The following LY96 variants were observed in gnomAD, a reference collection of about 807,000 sequenced individuals.
LY96 encodes the protein myeloid differentiation protein-2.
LY96 carries 18 observed loss-of-function variants against 18.9 expected under a neutral mutation model. The observed-to-expected ratio is 0.95, with a 90% confidence interval of 0.66 to 1.41. The LOEUF (loss-of-function observed/expected upper bound fraction) is 1.41, where lower values mean the gene tolerates loss of function less well. Ranked by LOEUF, LY96 falls within the 40% of genes most tolerant of loss-of-function variation. LY96 has a pLI of 0.00. For missense variants in LY96, 175 were observed against 182.4 expected, an observed-to-expected ratio of 0.96 and a Z score of 0.23; for synonymous variants, 66 against 62.6, an observed-to-expected ratio of 1.06 and a Z score of -0.26.
At chr8:74,082,446 A>T in the LY96 span, among the ~76,000 whole-genome samples, 9 of 152,170 alleles carry the variant, frequency 5.9e-5, no homozygotes, top group African/African-American at 2.2e-4. Flanking sequence ...TACCAGTGCA[A>T]TGTGTGCAGG....
intron 3 of LY96, among the ~76,000 whole-genome samples, chr8:74,026,558 TA>T (rs1816875559): frequency 6.6e-6 from 1 of 152,218 alleles, no homozygotes; most frequent in African/African-American, 2.4e-5. Flanking sequence ...CAGGTCTTAA[TA>T]GTTTGTGTCC....
chr8:74,050,618 TTTC>T, the LY96 span, among the ~76,000 whole-genome samples: 1 of 152,210 alleles, frequency 6.6e-6, no homozygotes, highest in Non-Finnish European at 1.5e-5. Flanking sequence ...TATTTTAACA[TTTC>T]TTAACGTTGT....
At chr8:74,091,680 C>G in the LY96 span, among the ~76,000 whole-genome samples, 1 of 152,146 alleles carries the variant, frequency 6.6e-6, no homozygotes, top group African/African-American at 2.4e-5. Flanking sequence ...ATATTTCTGC[C>G]TTTTCTTTTC....
chr8:74,073,388 A>G, the LY96 span, among the ~76,000 whole-genome samples: 6 of 152,218 alleles, frequency 3.9e-5, no homozygotes, highest in African/African-American at 7.2e-5. Flanking sequence ...TTTCTCACAG[A>G]TGATCTCATT....
chr8:74,028,613 G>T (rs146198500), intron 4 of LY96, among the ~76,000 whole-genome samples: 9 of 152,038 alleles, frequency 5.9e-5, no homozygotes, highest in African/African-American at 2.2e-4. Flanking sequence ...AGATATTTGC[G>T]TGACATATCT....
chr8:73,996,375 T>TCC (rs1586645135), intron 1 of LY96, among the ~76,000 whole-genome samples: 549 of 29,050 alleles, frequency 0.019, 1 homozygote, highest in South Asian at 0.038. Context: ...CTTCATTCCT[T>TCC]TCTTTCTTTC....
At chr8:74,091,545 G>A in the LY96 span, among the ~76,000 whole-genome samples, 1 of 152,192 alleles carries the variant, frequency 6.6e-6, no homozygotes, top group Admixed American at 6.5e-5. Context: ...GGATGAAATT[G>A]TATTCTTTCA....
chr8:74,023,146 G>T (rs781287948), intron 3 of LY96, among the ~76,000 whole-genome samples: 1 of 152,134 alleles, frequency 6.6e-6, no homozygotes, highest in Non-Finnish European at 1.5e-5. Context: ...CTTGGTTCCC[G>T]CTGCCCACTT....
chr8:74,064,686 G>A, the LY96 span, among the ~76,000 whole-genome samples: 1 of 152,012 alleles, frequency 6.6e-6, no homozygotes, highest in African/African-American at 2.4e-5. Flanking sequence ...TGCAGAACTG[G>A]GAGCCCAATA....
the LY96 span, among the ~76,000 whole-genome samples, chr8:74,065,308 A>G: frequency 6.6e-6 from 1 of 152,200 alleles, no homozygotes; most frequent in Non-Finnish European, 1.5e-5. Flanking sequence ...ACTGTTTCCC[A>G]GGTTGCGGTC....
chr8:74,002,862 C>T (rs746682682), intron 1 of LY96, among the ~76,000 whole-genome samples: 21 of 152,170 alleles, frequency 1.4e-4, no homozygotes, highest in Admixed American at 5.2e-4. Context: ...GCATGAGTCA[C>T]CGTGCCCAGC....
the LY96 span, among the ~76,000 whole-genome samples, chr8:74,054,671 T>C: frequency 6.9e-6 from 1 of 145,742 alleles, no homozygotes; most frequent in East Asian, 2.0e-4. Flanking sequence ...TTTCTTTCTT[T>C]CTTTTTATTT....
At chr8:74,009,648 CCTTTTCTTTT>C (rs1186345056) in intron 2 of LY96, among the ~76,000 whole-genome samples, 1 of 152,142 alleles carries the variant, frequency 6.6e-6, no homozygotes, top group African/African-American at 2.4e-5. Context: ...TCCTTCCTTT[CCTTTTCTTTT>C]CTTTTGAATT....
the LY96 span, among the ~76,000 whole-genome samples, chr8:74,054,520 T>TTTCCTTCCCTCCTTCC: frequency 2.5e-5 from 3 of 118,308 alleles, no homozygotes; most frequent in African/African-American, 9.7e-5. Flanking sequence ...TTTTCTTTCT[T>TTTCCTTCCCTCCTTCC]TTCCTTCCTT....
the LY96 span, among the ~76,000 whole-genome samples, chr8:74,046,841 T>C: frequency 1.3e-5 from 2 of 152,084 alleles, no homozygotes; most frequent in African/African-American, 2.4e-5. Context: ...TTAGAACTTA[T>C]CTTTTATGGC....
At chr8:74,015,938 C>T (rs574688017) in intron 3 of LY96, among the ~76,000 whole-genome samples, 6 of 152,306 alleles carry the variant, frequency 3.9e-5, no homozygotes, top group African/African-American at 1.2e-4. Context: ...CAGCTCCCAG[C>T]GTGATCGACA....
At chr8:74,098,427 G>A in the LY96 span, among the ~76,000 whole-genome samples, 8 of 152,072 alleles carry the variant, frequency 5.3e-5, no homozygotes, top group African/African-American at 1.9e-4. Flanking sequence ...CCAAGCTAGG[G>A]TACAGTGGCA....
chr8:74,004,286 G>A (rs1048550895), intron 1 of LY96, among the ~76,000 whole-genome samples: 2 of 152,198 alleles, frequency 1.3e-5, no homozygotes, highest in South Asian at 2.1e-4. Flanking sequence ...GGTAGACTGT[G>A]CCAGACTCAT....
At chr8:74,003,038 G>T (rs1340688920) in intron 1 of LY96, among the ~76,000 whole-genome samples, 1 of 152,232 alleles carries the variant, frequency 6.6e-6, no homozygotes, top group Non-Finnish European at 1.5e-5. Context: ...CTTAGTGTAA[G>T]TGAGGAAGAT....
Sources: allele counts gnomAD v4.1 joint callset (sites outside exome capture counted in the v4.1 genomes callset), GRCh38; gene constraint gnomAD v4.1.1; transcripts MANE v1.5; gene names NCBI Gene and HGNC (gene_info 2026-07-23, HGNC 2026-07-21).